PTK2: variants seen among roughly 807,000 people sequenced by gnomAD.
PTK2 encodes focal adhesion kinase 1.
In PTK2, 45 loss-of-function variants were observed where a neutral mutation model predicts 150.1. The observed-to-expected ratio is 0.30, with a 90% confidence interval of 0.24 to 0.38. PTK2 has a LOEUF of 0.38. Ranked by LOEUF, PTK2 falls within the 10% of genes least tolerant of loss-of-function variation. The probability of loss-of-function intolerance (pLI) is 1.00; values close to 1 mark genes in which losing one functional copy is unlikely to be tolerated. For synonymous variants in PTK2, 432 were observed against 449.2 expected, an observed-to-expected ratio of 0.96 and a Z score of 0.48; for missense variants, 919 against 1,307.3, an observed-to-expected ratio of 0.70 and a Z score of 4.58.
At chr8:140,711,691 T>C (rs1564871252) in intron 23 of PTK2, among the ~76,000 whole-genome samples, 1 of 152,158 alleles carries the variant, frequency 6.6e-6, no homozygotes, top group Non-Finnish European at 1.5e-5. Flanking sequence ...GTTATAGCTG[T>C]GGGGGTCTGC....
intron 7 of PTK2, among the ~76,000 whole-genome samples, chr8:140,837,386 T>G (rs1385719014): frequency 6.6e-6 from 1 of 152,228 alleles, no homozygotes; most frequent in Non-Finnish European, 1.5e-5. Context: ...TTTGTCACAC[T>G]CTCAGAAACT....
chr8:140,745,978 C>T (rs1419539072), intron 18 of PTK2, among the ~76,000 whole-genome samples: 3 of 144,822 alleles, frequency 2.1e-5, no homozygotes, highest in Non-Finnish European at 4.5e-5. Context: ...CCAGCTTGGG[C>T]GACAGAGCGA....
In PTK2 at chr8:140,693,564, T is replaced by TTAAAAAAAAA. The variant is rs1181421194; in HGVS notation, c.2500-6871_2500-6870insTTTTTTTTTA. ...CCACAGAGTGAGACTTTGTCTCAATTAAAAAAAAAAAAAAAAAAAAAAAAA... is the reference window on the plus strand; with the variant it reads ...CCACAGAGTGAGACTTTGTCTCAATTTAAAAAAAAAAAAAAAAAAAAAAAAAAAAAAAAAA... On this transcript the variant is annotated intron_variant, in intron 26 of 31. Coordinates refer to ENST00000522684, the Ensembl canonical transcript of PTK2. Among the ~76,000 whole-genome samples, 14 of 72,458 alleles carry TTAAAAAAAAA rather than the reference T, an allele frequency of 1.9e-4. 6 individuals are homozygous for TTAAAAAAAAA. Among genetic ancestry groups the TTAAAAAAAAA allele is most frequent in the African/African-American group, 7.2e-4 (12 of 16,620 alleles). The allele number at this position is 72,458 out of a possible 152,430, so 47.5% of individuals were successfully genotyped here.
intron 23 of PTK2, among the ~76,000 whole-genome samples, chr8:140,717,278 C>CT (rs1242215711): frequency 2.6e-5 from 4 of 152,158 alleles, no homozygotes; most frequent in Non-Finnish European, 5.9e-5. Context: ...CAGACTTGAT[C>CT]ATTAGGGAGA....
At chr8:140,779,679 A>G (rs891069299) in intron 14 of PTK2, among the ~76,000 whole-genome samples, 10 of 152,248 alleles carry the variant, frequency 6.6e-5, no homozygotes, top group Non-Finnish European at 1.2e-4. Flanking sequence ...GAGGGTATGC[A>G]GAGGGTATGC....
At chr8:140,882,823 A>C (rs537086613) in intron 3 of PTK2, among the ~76,000 whole-genome samples, 1 of 152,190 alleles carries the variant, frequency 6.6e-6, no homozygotes, top group Non-Finnish European at 1.5e-5. Flanking sequence ...ATTTCCTTTA[A>C]CTGAAACATT....
intron 26 of PTK2, among the ~76,000 whole-genome samples, chr8:140,694,784 A>G (rs2100025462): frequency 6.6e-6 from 1 of 152,198 alleles, no homozygotes; most frequent in African/African-American, 2.4e-5. Flanking sequence ...AGATATAATT[A>G]CCATTGTTAG....
intron 16 of PTK2, among the ~76,000 whole-genome samples, chr8:140,759,530 TAAAAAAA>T (rs761643170): frequency 3.4e-5 from 2 of 58,064 alleles, no homozygotes; most frequent in African/African-American, 7.9e-5. Flanking sequence ...GACCCTGTCC[TAAAAAAA>T]AAAAAAAAAA....
At chr8:140,833,476 A>T (rs1314871482) in intron 7 of PTK2, among the ~76,000 whole-genome samples, 1 of 152,228 alleles carries the variant, frequency 6.6e-6, no homozygotes, top group Non-Finnish European at 1.5e-5. Flanking sequence ...AGCCTATTAT[A>T]GATATCTAAA....
intron 1 of PTK2, among the ~76,000 whole-genome samples, chr8:140,982,331 G>A (rs1359156404): frequency 5.9e-5 from 9 of 152,258 alleles, no homozygotes; most frequent in Admixed American, 5.9e-4. Context: ...GGGTGCGGAG[G>A]CTCCCGCCTG....
intron 1 of PTK2, among the ~76,000 whole-genome samples, chr8:140,974,497 A>C (rs1252569977): frequency 6.6e-6 from 1 of 152,166 alleles, no homozygotes; most frequent in African/African-American, 2.4e-5. Flanking sequence ...TGTCTTTCGG[A>C]AAGGAGGAGA....
chr8:140,838,249 A>G (rs1598037584), intron 7 of PTK2, among the ~76,000 whole-genome samples: 1 of 152,256 alleles, frequency 6.6e-6, no homozygotes, highest in Non-Finnish European at 1.5e-5. Flanking sequence ...GTATTCATGT[A>G]TAATTCCTTT....
chr8:140,915,839 T>C (rs968826270), intron 2 of PTK2, among the ~76,000 whole-genome samples: 2 of 151,734 alleles, frequency 1.3e-5, no homozygotes, highest in African/African-American at 2.4e-5. Context: ...GAGGTGGAGG[T>C]TGCAGGGAGC....
chr8:140,901,559 C>T (rs1167309786), intron 2 of PTK2, among the ~76,000 whole-genome samples: 1 of 151,774 alleles, frequency 6.6e-6, no homozygotes, highest in Non-Finnish European at 1.5e-5. Context: ...CTATAAAGAG[C>T]TTAGAAAACT....
chr8:140,897,090 G>A (rs146791880), intron 2 of PTK2, among the ~76,000 whole-genome samples: 1 of 152,148 alleles, frequency 6.6e-6, no homozygotes. Flanking sequence ...CAAGTCATCA[G>A]AAGAAAAGAT....
At chr8:140,698,627 T>TA in intron 26 of PTK2, among the ~76,000 whole-genome samples, 1 of 151,930 alleles carries the variant, frequency 6.6e-6, no homozygotes, top group Admixed American at 6.6e-5. Context: ...CTAATTTTTG[T>TA]TTTTTTGAGA....
chr8:140,885,080 G>GT (rs1281050256), intron 3 of PTK2, among the ~76,000 whole-genome samples: 2 of 152,164 alleles, frequency 1.3e-5, no homozygotes, highest in Non-Finnish European at 2.9e-5. Flanking sequence ...GCATCATACA[G>GT]TATTTGCCCA....
intron 1 of PTK2, among the ~76,000 whole-genome samples, chr8:140,953,375 G>C (rs752888854): frequency 1.3e-5 from 2 of 152,092 alleles, no homozygotes; most frequent in African/African-American, 4.8e-5. Context: ...CTACCCCTCC[G>C]TTTGGGGGCC....
chr8:140,916,454 C>G (rs570838960), intron 2 of PTK2, among the ~76,000 whole-genome samples: 1 of 152,290 alleles, frequency 6.6e-6, no homozygotes, highest in South Asian at 2.1e-4. Context: ...CTTTCTTTTC[C>G]CAAGTATCCA....
Sources: gnomAD v4.1 joint callset for allele counts (sites outside exome capture counted in the v4.1 genomes callset) on GRCh38, gnomAD v4.1.1 for gene constraint, MANE v1.5 for transcripts, NCBI Gene and HGNC (gene_info 2026-07-23, HGNC 2026-07-21) for gene names.